The following RGSL1 variants were observed in gnomAD, a reference collection of about 807,000 sequenced individuals.
RGSL1 encodes the protein regulator of G protein signaling protein-like.
In RGSL1, 97 loss-of-function variants were observed where a neutral mutation model predicts 124.7. The observed-to-expected ratio is 0.78, with a 90% CI of 0.66 to 0.92. RGSL1 has a LOEUF of 0.92. RGSL1 is among the 40% of genes least tolerant of loss of function. The probability of loss-of-function intolerance (pLI) is 0.00; values close to 1 mark genes in which losing one functional copy is unlikely to be tolerated. For missense variants in RGSL1, 1,233 were observed against 1,288.4 expected, an observed-to-expected ratio of 0.96 and a Z score of 0.66; for synonymous variants, 424 against 438.1, an observed-to-expected ratio of 0.97 and a Z score of 0.40.
intron 9 of RGSL1, among the ~76,000 whole-genome samples, chr1:182,518,366 A>G (rs951368552): frequency 1.2e-4 from 19 of 152,194 alleles, no homozygotes; most frequent in South Asian, 2.1e-4. Context: ...TCTCAAAGGG[A>G]ATATCCTGGC....
chr1:182,539,407 A>T (rs1659746877), intron 14 of RGSL1, among the ~76,000 whole-genome samples: 1 of 152,132 alleles, frequency 6.6e-6, no homozygotes, highest in Admixed American at 6.5e-5. Context: ...CTAGGTATTT[A>T]TGGACTCTTG....
At chr1:182,467,056 C>G (rs7411002) in intron 4 of RGSL1, among the ~76,000 whole-genome samples, 3 of 152,038 alleles carry the variant, frequency 2.0e-5, no homozygotes, top group Non-Finnish European at 4.4e-5. Context: ...ATCCAACTTA[C>G]AATGGATGTG....
intron 9 of RGSL1, among the ~76,000 whole-genome samples, chr1:182,520,046 T>C (rs976095573): frequency 2.6e-5 from 4 of 152,208 alleles, no homozygotes; most frequent in Non-Finnish European, 2.9e-5. Flanking sequence ...CCTTGGTTTT[T>C]GGTGAAGTCT....
rs372870777 is a variant in RGSL1, at chr1:182,474,104, A to C, written c.993A>C (p.Glu331Asp). The C allele has an allele frequency of 2.6e-5, 41 of 1,551,778 alleles. No homozygotes were observed. The highest frequency in any genetic ancestry group is 7.0e-6 in the Non-Finnish European group (8 of 1,147,032). Residue 331 changes from glutamate to aspartate, a missense_variant, in exon 6 of 22, where the codon GAA (glutamate) becomes GAC (aspartate). Transcript: ENST00000294854. ...ENKAKSHLHM[E>D]APFETKVSTH... ...AAGCCAAGAGCCACCTCCACATGGAAGCCCCCTTTGAGACAAAGGTCTCTA... is the reference window on the plus strand; with the variant it reads ...AAGCCAAGAGCCACCTCCACATGGACGCCCCCTTTGAGACAAAGGTCTCTA...
chr1:182,510,507 T>C (rs1421244613), intron 9 of RGSL1, among the ~76,000 whole-genome samples: 2 of 54,816 alleles, frequency 3.6e-5, no homozygotes, highest in South Asian at 8.4e-4. Context: ...CGAAACCCCG[T>C]CTCCACCAAA....
At chr1:182,540,529 G>A in intron 15 of RGSL1, 108 bp downstream of exon 15, 1 of 893,250 alleles carries the variant, frequency 1.1e-6, no homozygotes, top group South Asian at 2.3e-5. Flanking sequence ...TTTCAGACCT[G>A]TCCAGTAAGA....
At chr1:182,483,434 AC>A (rs2102070669) in intron 6 of RGSL1, among the ~76,000 whole-genome samples, 1 of 152,244 alleles carries the variant, frequency 6.6e-6, no homozygotes, top group South Asian at 2.1e-4. Flanking sequence ...TTAATAAAGG[AC>A]TTAAAAATAA....
At chr1:182,509,855 G>T (rs1403273251) in intron 9 of RGSL1, among the ~76,000 whole-genome samples, 23 of 129,152 alleles carry the variant, frequency 1.8e-4, no homozygotes, top group Middle Eastern at 4.6e-3. Context: ...GGTGGCTGCC[G>T]GGCGGAGACG....
At chr1:182,513,269 A>T (rs1443990393) in intron 9 of RGSL1, among the ~76,000 whole-genome samples, 4 of 152,216 alleles carry the variant, frequency 2.6e-5, no homozygotes, top group African/African-American at 9.6e-5. Flanking sequence ...CAGAAGTCAG[A>T]TTCCTCCCCA....
rs116710626 is a variant in RGSL1, at chr1:182,557,742, T to C, written c.*165+1520T>C. ...TATTTAAAAGGATTAATGATACTTATTAGGTCTTCCCTGAGTTGGAAAAAA... is the reference window on the plus strand; with the variant it reads ...TATTTAAAAGGATTAATGATACTTACTAGGTCTTCCCTGAGTTGGAAAAAA... On this transcript the variant is annotated intron_variant, in intron 21 of 21. Transcript: ENST00000294854. 6.6e-3 allele frequency among the ~76,000 whole-genome samples: 1,008 copies of C among 152,328 alleles called. 17 individuals are homozygous for C. Among genetic ancestry groups the C allele is most frequent in the African/African-American group, 0.021 (892 of 41,560 alleles).
At chr1:182,459,842 A>C (rs768046609) in intron 3 of RGSL1, among the ~76,000 whole-genome samples, 162 bp from the exon 4 acceptor site, 4 of 152,194 alleles carry the variant, frequency 2.6e-5, no homozygotes, top group Non-Finnish European at 5.9e-5. Flanking sequence ...CTTTTTCTTA[A>C]GTCCAGGTTC....
rs138730907 is a variant in RGSL1 at position 182,477,390 on chromosome 1, G to A, written c.1431+2848G>A. Among the ~76,000 whole-genome samples, 436 of 152,272 alleles carry A rather than the reference G, an allele frequency of 2.9e-3. 1 individual carries two copies. Among genetic ancestry groups the A allele is most frequent in the Non-Finnish European group, 5.3e-3 (363 of 68,024 alleles). On this transcript the variant is annotated intron_variant, in intron 6 of 21. Transcript: ENST00000294854. ...AATGCCTTTCGGTCTCATTAGACAC[G>A]GAAGCAGCCCTGTGACCCAGCTCCA...
chr1:182,452,030 TGA>T (rs1651883651), intron 1 of RGSL1, among the ~76,000 whole-genome samples: 1 of 149,240 alleles, frequency 6.7e-6, no homozygotes, highest in African/African-American at 2.5e-5. Context: ...AGAGTGAGAG[TGA>T]GAGACAGGGA....
intron 9 of RGSL1, among the ~76,000 whole-genome samples, chr1:182,494,007 CT>C (rs1430494360): frequency 6.6e-6 from 1 of 152,196 alleles, no homozygotes; most frequent in Admixed American, 6.5e-5. Context: ...TATTCCTCTT[CT>C]TCCTCTCCTG....
At chr1:182,481,244 A>C (rs1200479072) in intron 6 of RGSL1, among the ~76,000 whole-genome samples, 1 of 152,168 alleles carries the variant, frequency 6.6e-6, no homozygotes, top group Non-Finnish European at 1.5e-5. Flanking sequence ...AATAAATAAA[A>C]TTATAAATGA....
At chr1:182,464,976 T>C (rs1653163589) in intron 4 of RGSL1, among the ~76,000 whole-genome samples, 1 of 151,820 alleles carries the variant, frequency 6.6e-6, no homozygotes, top group Non-Finnish European at 1.5e-5. Flanking sequence ...TAGTACTAGC[T>C]GAGGAACGAG....
chr1:182,468,113 AAAC>A (rs1192980366), intron 4 of RGSL1, among the ~76,000 whole-genome samples: 1 of 152,216 alleles, frequency 6.6e-6, no homozygotes, highest in East Asian at 1.9e-4. Flanking sequence ...AAAAGTCAGG[AAAC>A]AACAGGTGCT....
intron 8 of RGSL1, among the ~76,000 whole-genome samples, chr1:182,490,915 CTTTTT>C (rs10676767): frequency 1.6e-5 from 2 of 129,004 alleles, no homozygotes; most frequent in South Asian, 2.5e-4. Flanking sequence ...AGAACATTAT[CTTTTT>C]TTTTTTTTTT....
At chr1:182,452,123 T>C (rs184234897) in intron 1 of RGSL1, among the ~76,000 whole-genome samples, 82 of 152,088 alleles carry the variant, frequency 5.4e-4, no homozygotes, top group African/African-American at 1.8e-3. Context: ...ACTGGGAATG[T>C]AGGAAAAGGA....
Sources: gnomAD v4.1 joint callset for allele counts (sites outside exome capture counted in the v4.1 genomes callset) on GRCh38, gnomAD v4.1.1 for gene constraint, MANE v1.5 for transcripts, NCBI Gene and HGNC (gene_info 2026-07-23, HGNC 2026-07-21) for gene names.